CAMKMT: variants seen among roughly 807,000 people sequenced by gnomAD.
CAMKMT encodes calmodulin-lysine N-methyltransferase.
Under a neutral mutation model 48.0 loss-of-function variants are expected in CAMKMT, and 53 were observed. The ratio of observed to expected loss-of-function variants is 1.10; its 90% CI spans 0.89 to 1.39. The LOEUF (loss-of-function observed/expected upper bound fraction) is 1.39, where lower values mean the gene tolerates loss of function less well. CAMKMT is among the 40% of genes most tolerant of loss of function. The probability of loss-of-function intolerance (pLI) is 0.00; values close to 1 mark genes in which losing one functional copy is unlikely to be tolerated. For missense variants in CAMKMT, 428 were observed against 402.7 expected (o/e 1.06, Z -0.54); for synonymous variants, 165 against 152.3 (o/e 1.08, Z -0.61).
At chr2:44,376,531 A>G (rs1679715708) in intron 2 of CAMKMT, among the ~76,000 whole-genome samples, 1 of 152,130 alleles carries the variant, frequency 6.6e-6, no homozygotes. Context: ...CACCTGCCAC[A>G]GCTTAACAGA....
chr2:44,396,207 G>C (rs1280503486), intron 3 of CAMKMT, among the ~76,000 whole-genome samples: 1 of 151,966 alleles, frequency 6.6e-6, no homozygotes, highest in Admixed American at 6.6e-5. Flanking sequence ...AAATCAAGAA[G>C]GTCCTTCTAA....
intron 3 of CAMKMT, among the ~76,000 whole-genome samples, chr2:44,558,914 A>C (rs1414793925): frequency 6.6e-6 from 1 of 152,008 alleles, no homozygotes; most frequent in Non-Finnish European, 1.5e-5. Context: ...ACTTGAATAC[A>C]TACCCCCTGA....
chr2:44,628,411 G>T (rs534814446), intron 3 of CAMKMT, among the ~76,000 whole-genome samples: 1 of 151,824 alleles, frequency 6.6e-6, no homozygotes, highest in South Asian at 2.1e-4. Context: ...TATCTTTTCA[G>T]TTCCTTATTT....
intron 3 of CAMKMT, among the ~76,000 whole-genome samples, chr2:44,414,749 C>A (rs1260354385): frequency 6.6e-6 from 1 of 152,164 alleles, no homozygotes; most frequent in African/African-American, 2.4e-5. Flanking sequence ...CCAAACTCCT[C>A]GTGATGGATA....
At chr2:44,642,177 A>G (rs1188746310) in intron 3 of CAMKMT, among the ~76,000 whole-genome samples, 6 of 152,280 alleles carry the variant, frequency 3.9e-5, no homozygotes, top group Non-Finnish European at 1.5e-5. Flanking sequence ...AAAGGAAGAT[A>G]CATTTACCTT....
chr2:44,540,592 A>G (rs1034858622), intron 3 of CAMKMT, among the ~76,000 whole-genome samples: 6 of 152,156 alleles, frequency 3.9e-5, no homozygotes, highest in African/African-American at 1.4e-4. Flanking sequence ...CTCTAAACAA[A>G]ACACAAAAAT....
intron 3 of CAMKMT, among the ~76,000 whole-genome samples, chr2:44,535,148 G>A (rs1666698463): frequency 6.6e-6 from 1 of 151,946 alleles, no homozygotes; most frequent in Non-Finnish European, 1.5e-5. Flanking sequence ...AAAACCTTAA[G>A]GAAATGCATA....
intron 3 of CAMKMT, among the ~76,000 whole-genome samples, chr2:44,408,316 GCCTGGCCGTC>G (rs1175894356): frequency 6.6e-6 from 1 of 151,838 alleles, no homozygotes; most frequent in African/African-American, 2.4e-5. Context: ...GAGCCACCGC[GCCTGGCCGTC>G]TTTTACTCTT....
intron 3 of CAMKMT, among the ~76,000 whole-genome samples, chr2:44,429,921 G>C (rs1024163046): frequency 6.6e-6 from 1 of 151,384 alleles, no homozygotes; most frequent in Non-Finnish European, 1.5e-5. Flanking sequence ...GTTTGTGATA[G>C]TGATTATATA....
At chr2:44,633,881 A>G (rs1672977968) in intron 3 of CAMKMT, among the ~76,000 whole-genome samples, 1 of 152,096 alleles carries the variant, frequency 6.6e-6, no homozygotes, top group South Asian at 2.1e-4. Flanking sequence ...GTAGTCAGTT[A>G]AGCTACTTGT....
chr2:44,695,360 C>T (rs1264047604), intron 3 of CAMKMT, among the ~76,000 whole-genome samples: 1 of 152,132 alleles, frequency 6.6e-6, no homozygotes, highest in African/African-American at 2.4e-5. Flanking sequence ...CGTCCTTCTC[C>T]TAAAAATTAT....
At chr2:44,602,603 G>A (rs775716953) in intron 3 of CAMKMT, among the ~76,000 whole-genome samples, 15 of 152,006 alleles carry the variant, frequency 9.9e-5, no homozygotes, top group Non-Finnish European at 1.0e-4. Flanking sequence ...AAGCTTAACA[G>A]GAAGTATGAC....
At chr2:44,379,271 C>T (rs1334249079) in intron 2 of CAMKMT, among the ~76,000 whole-genome samples, 1 of 152,182 alleles carries the variant, frequency 6.6e-6, no homozygotes, top group Non-Finnish European at 1.5e-5. Context: ...TTTTTTATGG[C>T]ATCCCACTGT....
intron 3 of CAMKMT, among the ~76,000 whole-genome samples, chr2:44,558,229 G>A (rs568755439): frequency 6.6e-6 from 1 of 152,104 alleles, no homozygotes; most frequent in South Asian, 2.1e-4. Context: ...TTGTAGAGAT[G>A]GCATCTTGCA....
chr2:44,766,349 A>G (rs1462604191), intron 9 of CAMKMT, 81 bp from the exon 10 acceptor site: 7 of 1,522,920 alleles, frequency 4.6e-6, no homozygotes, highest in Admixed American at 1.8e-5. Flanking sequence ...AGAGCAGTAC[A>G]TTAAATGCTT....
intron 7 of CAMKMT, among the ~76,000 whole-genome samples, chr2:44,722,841 C>T (rs1462868571): frequency 5.9e-5 from 9 of 152,078 alleles, no homozygotes; most frequent in South Asian, 4.1e-4. Flanking sequence ...ATACTTGAAA[C>T]GGAAAATATA....
At chr2:44,407,120 T>G (rs1682835303) in intron 3 of CAMKMT, among the ~76,000 whole-genome samples, 1 of 152,134 alleles carries the variant, frequency 6.6e-6, no homozygotes, top group Admixed American at 6.5e-5. Flanking sequence ...GAAACTGAGT[T>G]TGGTTTTGTT....
At chr2:44,511,483 A>G (rs1414969766) in intron 3 of CAMKMT, among the ~76,000 whole-genome samples, 5 of 151,426 alleles carry the variant, frequency 3.3e-5, no homozygotes, top group African/African-American at 9.7e-5. Flanking sequence ...GAGACAGGGT[A>G]TCACCATGTT....
chr2:44,595,008 GC>G, intron 3 of CAMKMT, among the ~76,000 whole-genome samples: 1 of 151,332 alleles, frequency 6.6e-6, no homozygotes, highest in Non-Finnish European at 1.5e-5. Context: ...ATGAACGGAC[GC>G]CTGTCAAAAG....
Sources: gnomAD v4.1 joint callset for allele counts (sites outside exome capture counted in the v4.1 genomes callset) on GRCh38, gnomAD v4.1.1 for gene constraint, MANE v1.5 for transcripts, NCBI Gene and HGNC (gene_info 2026-07-23, HGNC 2026-07-21) for gene names.